CELSR1: variants seen among roughly 807,000 people sequenced by gnomAD.
The protein encoded by CELSR1 is cadherin EGF LAG seven-pass G-type receptor 1, also known as adhesion G protein-coupled receptor C1.
Under a neutral mutation model 249.1 loss-of-function variants are expected in CELSR1, and 110 were observed. The observed-to-expected ratio is 0.44, with a 90% CI of 0.38 to 0.52. The LOEUF is 0.52. Among genes scored for constraint, CELSR1 ranks in the 20% least tolerant of loss-of-function variants. The pLI is 0.00. For synonymous variants in CELSR1, 2,113 were observed against 1,900.0 expected (o/e 1.11, Z -2.92); for missense variants, 4,109 against 4,296.4 (o/e 0.96, Z 1.22).
Position 46,398,652 on chromosome 22 carries a change from G to C in CELSR1, c.5413-15C>G. ...TCTGCCTTGTTCTGTGCGGAGAGAG[G>C]GGCCGGGGATCTGGGGGCTGCATCC... is the stretch of plus-strand genomic sequence containing the variant. On this transcript the variant is annotated splice_polypyrimidine_tract_variant and intron_variant, in intron 10 of 34. Transcript: ENST00000674500. The surrounding 1 kb of genome is among the most constrained non-coding windows in gnomAD (Gnocchi z 7.2). 1.3e-6 allele frequency: 2 copies of C among 1,592,650 alleles called. No homozygotes were observed. Among genetic ancestry groups the C allele is most frequent in the Non-Finnish European group, 1.7e-6 (2 of 1,168,544 alleles).
At chr22:46,439,600 G>A (rs907485734) in intron 2 of CELSR1, among the ~76,000 whole-genome samples, 189 bp from the exon 3 acceptor site, 22 of 152,162 alleles carry the variant, frequency 1.4e-4, no homozygotes, top group Non-Finnish European at 2.6e-4. Flanking sequence ...GCCCAGAGCC[G>A]TGCCAGAGTC....
chr22:46,486,129 C>T (rs550050911), intron 1 of CELSR1, among the ~76,000 whole-genome samples: 18 of 151,542 alleles, frequency 1.2e-4, no homozygotes, highest in Admixed American at 1.1e-3. Flanking sequence ...ATAGTAGAGA[C>T]GGGGTTTCAC....
rs974963794 is a variant in CELSR1, at chr22:46,500,182, C to A, written c.3544+33445G>T. ...AGCCCCTGGTCCTCCCAGCATGATCCCACCCCAGCCCCTGGTCCTCCCAGC... is the reference window on the plus strand; with the variant it reads ...AGCCCCTGGTCCTCCCAGCATGATCACACCCCAGCCCCTGGTCCTCCCAGC... On this transcript the variant is annotated intron_variant, in intron 1 of 34. Coordinates refer to ENST00000674500, the MANE Select transcript of CELSR1 (RefSeq NM_001378328.1). This position sits in a 1 kb window ranked among gnomAD's most constrained non-coding sequence, Gnocchi z 4.9. Among the ~76,000 whole-genome samples the A allele has an allele frequency of 2.6e-5, 4 of 151,710 alleles. No individual in the cohort carries two copies. Among genetic ancestry groups the A allele is most frequent in the Non-Finnish European group, 2.9e-5 (2 of 67,938 alleles).
chr22:46,530,797 G>A (rs1012822358), intron 1 of CELSR1, among the ~76,000 whole-genome samples: 22 of 152,168 alleles, frequency 1.4e-4, no homozygotes, highest in African/African-American at 5.1e-4. Flanking sequence ...CCCAGGCCCT[G>A]CCCTCCGATG....
At position 46,406,609 on chromosome 22, in the gene CELSR1, C is replaced by T. The variant is rs1304767858; in HGVS notation, c.5226+2387G>A. Among the ~76,000 whole-genome samples, 1 of 152,360 alleles carries T rather than the reference C, an allele frequency of 6.6e-6. No individual in the cohort carries two copies. The highest frequency in any genetic ancestry group is 1.9e-4 in the East Asian group (1 of 5,180). ...ATGTGCTGGGCAGTCCCTCTGTCCACCCGCCAACCCTCATGCCAATCTTGG... is the reference window on the plus strand; with the variant it reads ...ATGTGCTGGGCAGTCCCTCTGTCCATCCGCCAACCCTCATGCCAATCTTGG... On this transcript the variant is annotated intron_variant, in intron 9 of 34. Transcript: ENST00000674500. This position sits in a 1 kb window ranked among gnomAD's most constrained non-coding sequence, Gnocchi z 5.4.
Position 46,389,300 on chromosome 22 carries a change from T to C in CELSR1, c.6545A>G (p.Asp2182Gly). The C allele has an allele frequency of 6.2e-7, 1 of 1,605,718 alleles. No individual in the cohort carries two copies. Among genetic ancestry groups the C allele is most frequent in the Non-Finnish European group, 8.5e-7 (1 of 1,179,682 alleles). ...CGGCCACCCGCCTACCTCGTGAAAG[T>C]CGGCGTCCTGCGTGGCTGCCAGGTC... Reference protein sequence around the residue: ...GFDLAATQDADFHEDVIHSGS... With the variant: ...GFDLAATQDAGFHEDVIHSGS... The change falls in exon 18 of 35, where the codon GAC becomes GGC. Residue 2182 changes from aspartate to glycine, a missense_variant. This residue lies in a region of CELSR1 where 1,805 missense variants were observed against 1,831.6 expected (regional missense o/e 0.99). Transcript: ENST00000674500.
At position 46,468,017 on chromosome 22, in the gene CELSR1, T is replaced by A. The variant is rs1433103312; in HGVS notation, c.3545-3672A>T. 1.3e-5 allele frequency among the ~76,000 whole-genome samples: 2 copies of A among 152,124 alleles called. No individual in the cohort carries two copies. Among genetic ancestry groups the A allele is most frequent in the Non-Finnish European group, 2.9e-5 (2 of 68,026 alleles). ...AAGAAAAAGATGAGTCAACCACACC[T>A]ATGTTCATAGCAGCGCTATTCACAA... On this transcript the variant is annotated intron_variant, in intron 1 of 34. Coordinates refer to ENST00000674500, the MANE Select transcript of CELSR1 (RefSeq NM_001378328.1). The surrounding 1 kb of genome is among the most constrained non-coding windows in gnomAD (Gnocchi z 4.5).
rs947763848 is a variant in CELSR1 at position 46,390,274 on chromosome 22, G to A, written c.6345+118C>T. 2.5e-4 allele frequency: 204 copies of A among 817,744 alleles called. No homozygotes were observed. Among genetic ancestry groups the A allele is most frequent in the Non-Finnish European group, 3.6e-4 (189 of 528,944 alleles). The allele number at this position is 817,744 out of a possible 1,614,324, so 50.7% of individuals were successfully genotyped here. A position where few individuals can be genotyped will look rare whatever the true frequency, so the allele number is the denominator to read the frequency against. On this transcript the variant is annotated intron_variant, in intron 17 of 34. Coordinates refer to ENST00000674500, the MANE Select transcript of CELSR1 (RefSeq NM_001378328.1). This position sits in a 1 kb window ranked among gnomAD's most constrained non-coding sequence, Gnocchi z 6.3. ...TGCGGGCCCGTGGGGCTGTCCCTGC[G>A]CCATCCCAGCCGCCCCAACACTCCC...
chr22:46,366,187 T>TGCGGG (rs2078776455), intron 30 of CELSR1, among the ~76,000 whole-genome samples, 199 bp downstream of exon 30: 2 of 2,808 alleles, frequency 7.1e-4, no homozygotes, highest in Non-Finnish European at 1.2e-3. Flanking sequence ...TGGGGGAAGG[T>TGCGGG]GCAGGGGAAG....
rs2080455873 is a variant in CELSR1, at chr22:46,500,490, A to C, written c.3544+33137T>G. Reference sequence around the variant, plus strand: ...GCAAGGCTCTGGGCTTATTCAGATGACTGGGGTGTGCTGAATGGGCTCTGA... The same window carrying C: ...GCAAGGCTCTGGGCTTATTCAGATGCCTGGGGTGTGCTGAATGGGCTCTGA... On this transcript the variant is annotated intron_variant, in intron 1 of 34. Coordinates refer to ENST00000674500, the MANE Select transcript of CELSR1 (RefSeq NM_001378328.1). This position sits in a 1 kb window ranked among gnomAD's most constrained non-coding sequence, Gnocchi z 4.9. Among the ~76,000 whole-genome samples, 1 of 152,086 alleles carries C rather than the reference A, an allele frequency of 6.6e-6. No individual in the cohort carries two copies. The highest frequency in any genetic ancestry group is 2.4e-5 in the African/African-American group (1 of 41,414).
At chr22:46,453,715 G>A (rs1221784296) in intron 2 of CELSR1, among the ~76,000 whole-genome samples, 1 of 152,202 alleles carries the variant, frequency 6.6e-6, no homozygotes, top group African/African-American at 2.4e-5. Context: ...TCTCAGGGCA[G>A]AGGCTCAATT....
At position 46,535,918 on chromosome 22, in the gene CELSR1, T is replaced by G. The variant is rs1382714662; in HGVS notation, c.1253A>C (p.Glu418Ala). The change falls in exon 1 of 35, where the codon GAG (glutamate) becomes GCG (alanine). Residue 418 changes from glutamate (E) to alanine (A), a missense_variant. Coordinates refer to ENST00000674500, the MANE Select transcript of CELSR1 (RefSeq NM_001378328.1). ...VVSTRAVLDREEAAEYQLLVE... is the reference protein window; with the variant it reads ...VVSTRAVLDRAEAAEYQLLVE... ...CAGGAGCTGGTACTCGGCCGCCTCC[T>G]CCCGGTCCAGCACCGCCCGTGTGCT... 6.2e-7 allele frequency: 1 copy of G among 1,608,790 alleles called. No homozygotes were observed.
chr22:46,459,370 A>G (rs1307948563), intron 2 of CELSR1, among the ~76,000 whole-genome samples: 3 of 152,186 alleles, frequency 2.0e-5, no homozygotes, highest in African/African-American at 7.2e-5. Flanking sequence ...ACAGCTGCAA[A>G]GCCCCTCCGG....
Position 46,381,796 on chromosome 22 carries a change from A to T in CELSR1, c.7088+50T>A. 10 of 1,489,626 alleles carry T rather than the reference A, an allele frequency of 6.7e-6. No individual in the cohort carries two copies. The highest frequency in any genetic ancestry group is 1.4e-5 in the African/African-American group (1 of 71,944). The allele number at this position is 1,489,626 out of a possible 1,614,324, so 92.3% of individuals were successfully genotyped here. ...CAGGATTTTGACCTGTGGAAGCCTC[A>T]GGAGCCTCCAGAACGGGCCCTCCCC... On this transcript the variant is annotated intron_variant, in intron 21 of 34. Transcript: ENST00000674500. This position sits in a 1 kb window ranked among gnomAD's most constrained non-coding sequence, Gnocchi z 6.0.
At chr22:46,432,313 C>T (rs994629266) in intron 5 of CELSR1, among the ~76,000 whole-genome samples, 7 of 152,174 alleles carry the variant, frequency 4.6e-5, no homozygotes, top group African/African-American at 7.2e-5. Flanking sequence ...GCTGGTGAGT[C>T]GCAGCCAGGC....
intron 26 of CELSR1, 47 bp from the exon 27 acceptor site, chr22:46,369,305 G>T: frequency 3.3e-6 from 1 of 300,882 alleles, no homozygotes; most frequent in Non-Finnish European, 5.3e-6. Context: ...CGTCACTGCA[G>T]ACCTCCAACT....
intron 1 of CELSR1, among the ~76,000 whole-genome samples, chr22:46,515,927 C>A (rs1000849428): frequency 6.6e-6 from 1 of 152,146 alleles, no homozygotes; most frequent in East Asian, 1.9e-4. Context: ...ACACCAGTTA[C>A]AATGGCGATC....
intron 5 of CELSR1, among the ~76,000 whole-genome samples, chr22:46,422,809 T>C (rs1259936754): frequency 2.7e-5 from 4 of 147,992 alleles, no homozygotes; most frequent in Admixed American, 2.0e-4. Flanking sequence ...CCCAGATAAC[T>C]GCTATATTGT....
intron 22 of CELSR1, among the ~76,000 whole-genome samples, 200 bp from the exon 23 acceptor site, chr22:46,378,917 C>T (rs928429373): frequency 6.6e-6 from 1 of 152,102 alleles, no homozygotes; most frequent in African/African-American, 2.4e-5. Context: ...ACACCGAAGA[C>T]AAGAGCCACC....
Sources: allele counts gnomAD v4.1 joint callset (sites outside exome capture counted in the v4.1 genomes callset), GRCh38; gene constraint gnomAD v4.1.1; regional missense constraint gnomAD v4.1.1; non-coding constraint Gnocchi (gnomAD v3.1); transcripts MANE v1.5; gene names NCBI Gene and HGNC (gene_info 2026-07-23, HGNC 2026-07-21).